Variants in ENTREP2 observed in about 807,000 individuals in gnomAD.
The protein encoded by ENTREP2 is endosomal transmembrane epsin interactor 2.
At chr15:29,341,887 T>C in the ENTREP2 span, among the ~76,000 whole-genome samples, 2 of 152,182 alleles carry the variant, frequency 1.3e-5, no homozygotes, top group African/African-American at 4.8e-5. Flanking sequence ...GAGCAAAGCA[T>C]TGCAGGTGGA....
At chr15:29,476,945 A>G in the ENTREP2 span, among the ~76,000 whole-genome samples, 1 of 152,202 alleles carries the variant, frequency 6.6e-6, no homozygotes, top group South Asian at 2.1e-4. Flanking sequence ...ACAGGCGCGT[A>G]TGCTCACCAA....
the ENTREP2 span, among the ~76,000 whole-genome samples, chr15:29,189,140 G>A: frequency 6.6e-6 from 1 of 152,216 alleles, no homozygotes; most frequent in South Asian, 2.1e-4. Context: ...GGTTGTGGAA[G>A]CCCCAGTTTA....
chr15:29,665,774 G>A, the ENTREP2 span, among the ~76,000 whole-genome samples: 4 of 151,878 alleles, frequency 2.6e-5, no homozygotes, highest in African/African-American at 7.3e-5. Flanking sequence ...CTGTTTTGAA[G>A]GTTCCTATGT....
At chr15:29,590,683 CAAAAAA>C in the ENTREP2 span, among the ~76,000 whole-genome samples, 150 of 75,332 alleles carry the variant, frequency 2.0e-3, no homozygotes, top group African/African-American at 7.1e-3. Flanking sequence ...GACTCCGTCT[CAAAAAA>C]AAAAAAAAAA....
chr15:29,587,138 CGTGTGTGT>C, the ENTREP2 span, among the ~76,000 whole-genome samples: 3,474 of 123,986 alleles, frequency 0.028, 118 homozygotes, highest in East Asian at 0.083. Context: ...TGTAGCTAAC[CGTGTGTGT>C]GTGTGTGTGT....
At chr15:29,215,754 C>CT in the ENTREP2 span, among the ~76,000 whole-genome samples, 1 of 151,916 alleles carries the variant, frequency 6.6e-6, no homozygotes, top group Non-Finnish European at 1.5e-5. Context: ...CGTGAAATGC[C>CT]TTTTTCCACC....
At chr15:29,293,474 T>A in the ENTREP2 span, among the ~76,000 whole-genome samples, 1 of 151,806 alleles carries the variant, frequency 6.6e-6, no homozygotes, top group Non-Finnish European at 1.5e-5. Flanking sequence ...GCCAGGATGG[T>A]CTCGATCTCC....
the ENTREP2 span, among the ~76,000 whole-genome samples, chr15:29,339,004 G>A: frequency 3.3e-5 from 5 of 152,264 alleles, no homozygotes; most frequent in South Asian, 2.1e-4. Context: ...ATGGGGTGGG[G>A]TTTTATGTGT....
the ENTREP2 span, among the ~76,000 whole-genome samples, chr15:29,657,478 G>A: frequency 9.0e-6 from 1 of 110,738 alleles, no homozygotes; most frequent in Non-Finnish European, 1.9e-5. Context: ...TGTCGGCTGG[G>A]GGGGCGGGGG....
chr15:29,267,845 C>T, the ENTREP2 span: 1 of 152,150 alleles, frequency 6.6e-6, no homozygotes, highest in Non-Finnish European at 1.5e-5. Context: ...GGTCAAGAAA[C>T]ATCTGCATAC....
chr15:29,471,126 T>G, the ENTREP2 span, among the ~76,000 whole-genome samples: 14 of 152,318 alleles, frequency 9.2e-5, no homozygotes, highest in Middle Eastern at 3.4e-3. Context: ...TAGGGGACAT[T>G]GATGGTCCTG....
the ENTREP2 span, among the ~76,000 whole-genome samples, chr15:29,483,051 G>A: frequency 6.6e-6 from 1 of 152,192 alleles, no homozygotes; most frequent in Non-Finnish European, 1.5e-5. Flanking sequence ...GTGTGCAGTG[G>A]TATCTCACTG....
chr15:29,517,519 G>T, the ENTREP2 span, among the ~76,000 whole-genome samples: 1 of 151,842 alleles, frequency 6.6e-6, no homozygotes, highest in Admixed American at 6.6e-5. Flanking sequence ...TGAACTTCCC[G>T]TTGTAAAAAA....
the ENTREP2 span, among the ~76,000 whole-genome samples, chr15:29,333,197 C>A: frequency 6.6e-6 from 1 of 152,050 alleles, no homozygotes; most frequent in African/African-American, 2.4e-5. Context: ...TCCTGGGAAA[C>A]CAGGGAGAGG....
chr15:29,251,141 G>A, the ENTREP2 span, among the ~76,000 whole-genome samples: 1 of 152,176 alleles, frequency 6.6e-6, no homozygotes, highest in Admixed American at 6.5e-5. Flanking sequence ...TGGTAATTCA[G>A]CAATCACTTC....
At chr15:29,456,517 G>T in the ENTREP2 span, among the ~76,000 whole-genome samples, 1 of 152,170 alleles carries the variant, frequency 6.6e-6, no homozygotes, top group Non-Finnish European at 1.5e-5. Flanking sequence ...AAGTCAGTCG[G>T]CTGCCAAATT....
At chr15:29,238,168 G>A in the ENTREP2 span, among the ~76,000 whole-genome samples, 4 of 152,178 alleles carry the variant, frequency 2.6e-5, no homozygotes, top group Non-Finnish European at 5.9e-5. Context: ...AAGACAGAAA[G>A]TAGACTAGTG....
chr15:29,299,720 A>C, the ENTREP2 span, among the ~76,000 whole-genome samples: 1 of 152,120 alleles, frequency 6.6e-6, no homozygotes, highest in Non-Finnish European at 1.5e-5. Context: ...CTATACTTTT[A>C]TTCTATGTCT....
chr15:29,300,427 A>G, the ENTREP2 span, among the ~76,000 whole-genome samples: 1 of 148,792 alleles, frequency 6.7e-6, no homozygotes, highest in African/African-American at 2.6e-5. Flanking sequence ...GGATGGATGG[A>G]TGGATGAGTG....
Sources: gnomAD v4.1 joint callset for allele counts (sites outside exome capture counted in the v4.1 genomes callset) on GRCh38, gnomAD v4.1.1 for gene constraint, MANE v1.5 for transcripts, NCBI Gene and HGNC (gene_info 2026-07-23, HGNC 2026-07-21) for gene names.